The following VAV3 variants were observed in gnomAD, a reference collection of about 807,000 sequenced individuals.
VAV3 encodes the protein vav guanine nucleotide exchange factor 3.
Under a neutral mutation model 131.2 loss-of-function variants are expected in VAV3, and 94 were observed. That is an observed-to-expected ratio of 0.72 (90% confidence interval 0.61 to 0.85). The LOEUF is 0.85. Ranked by LOEUF, VAV3 falls within the 40% of genes least tolerant of loss-of-function variation. The pLI is 0.00. For missense variants in VAV3, 939 were observed against 1,002.7 expected (o/e 0.94, Z 0.86); for synonymous variants, 349 against 342.0 (o/e 1.02, Z -0.22).
At chr1:107,754,116 G>C (rs189302704) in intron 12 of VAV3, among the ~76,000 whole-genome samples, 1 of 152,124 alleles carries the variant, frequency 6.6e-6, no homozygotes, top group Non-Finnish European at 1.5e-5. Context: ...TAAAGTTTAC[G>C]GGCAGTTATT....
chr1:107,807,764 G>T (rs78088580), intron 2 of VAV3, among the ~76,000 whole-genome samples: 1 of 152,040 alleles, frequency 6.6e-6, no homozygotes, highest in African/African-American at 2.4e-5. Context: ...GAAATTCAAT[G>T]TAACTTATGG....
At chr1:107,768,625 T>C (rs549049903) in intron 6 of VAV3, 116 bp from the exon 7 acceptor site, 42 of 716,836 alleles carry the variant, frequency 5.9e-5, no homozygotes, top group Admixed American at 2.8e-4. Flanking sequence ...ATCAGCATTA[T>C]AAACACCAAA....
At chr1:107,605,477 C>T (rs543735929) in intron 22 of VAV3, among the ~76,000 whole-genome samples, 95 of 152,240 alleles carry the variant, frequency 6.2e-4, no homozygotes, top group African/African-American at 2.2e-3. Context: ...AGATGCAGCC[C>T]CTCGATTTTG....
chr1:107,700,054 G>A (rs561294561), intron 17 of VAV3, among the ~76,000 whole-genome samples: 1 of 152,204 alleles, frequency 6.6e-6, no homozygotes, highest in Non-Finnish European at 1.5e-5. Flanking sequence ...TAAATTATAA[G>A]TGCAAGTGAG....
chr1:107,633,776 C>A (rs114961254), intron 20 of VAV3, among the ~76,000 whole-genome samples: 1 of 152,014 alleles, frequency 6.6e-6, no homozygotes, highest in Non-Finnish European at 1.5e-5. Flanking sequence ...AAGTACCCTG[C>A]GATCACCATG....
intron 2 of VAV3, among the ~76,000 whole-genome samples, chr1:107,829,668 T>G (rs984407845): frequency 5.9e-5 from 9 of 152,334 alleles, no homozygotes; most frequent in South Asian, 4.1e-4. Context: ...CTTTATTTAC[T>G]TTAGCCTAAG....
intron 1 of VAV3, among the ~76,000 whole-genome samples, chr1:107,949,811 A>G (rs954768925): frequency 6.6e-6 from 1 of 152,172 alleles, no homozygotes; most frequent in Non-Finnish European, 1.5e-5. Context: ...AAGTTTACTA[A>G]CTTTCCTTAG....
intron 2 of VAV3, among the ~76,000 whole-genome samples, chr1:107,793,465 G>A: frequency 6.6e-6 from 1 of 152,218 alleles, no homozygotes; most frequent in East Asian, 1.9e-4. Context: ...GGTTCCATGA[G>A]AGGAGGGAGT....
intron 15 of VAV3, among the ~76,000 whole-genome samples, chr1:107,732,503 C>T (rs1662311368): frequency 6.6e-6 from 1 of 152,180 alleles, no homozygotes; most frequent in African/African-American, 2.4e-5. Flanking sequence ...CGGGACACTC[C>T]CGCCTTAATA....
intron 1 of VAV3, among the ~76,000 whole-genome samples, chr1:107,945,361 A>C (rs953451371): frequency 6.6e-6 from 1 of 152,288 alleles, no homozygotes; most frequent in African/African-American, 2.4e-5. Context: ...AAATATCTAA[A>C]ATTATTTCCC....
rs536266556 is a variant in VAV3, at chr1:107,661,017, T to TAC, written c.1778-18264_1778-18263dup. The stretch of plus-strand genomic sequence containing the variant: ...ATTTTTGTTTTTAAATATATCTATA[T>TAC]ACACACACACATAAAGAAGTACAGA... On this transcript the variant is annotated intron_variant, in intron 19 of 26. Coordinates refer to ENST00000370056, the MANE Select transcript of VAV3 (RefSeq NM_006113.5). 3.6e-4 allele frequency among the ~76,000 whole-genome samples: 54 copies of TAC among 152,090 alleles called. 1 individual carries two copies. The East Asian group carries it at 7.9e-3, about 22-fold the overall frequency.
intron 25 of VAV3, among the ~76,000 whole-genome samples, chr1:107,590,106 T>C (rs1341774306): frequency 6.6e-6 from 1 of 152,206 alleles, no homozygotes; most frequent in African/African-American, 2.4e-5. Context: ...GGCTCTGTTC[T>C]GGCTTCTACT....
At chr1:107,768,412 A>C (rs759189140) in intron 7 of VAV3, 29 bp downstream of exon 7, 3 of 1,574,988 alleles carry the variant, frequency 1.9e-6, no homozygotes, top group East Asian at 2.3e-5. Context: ...GAAGTACACC[A>C]CAATTTTAGC....
Position 107,696,379 on chromosome 1 carries a change from T to C in VAV3, c.1706-7973A>G, listed in dbSNP as rs972430405. ...TAATTATAGTCAGCCTATAGTGCTA[T>C]AGGACATTATAATTTATTCTTCCCA... On this transcript the variant is annotated intron_variant, in intron 17 of 26. Transcript: ENST00000370056. Among the ~76,000 whole-genome samples, 6 of 152,236 alleles carry C rather than the reference T, an allele frequency of 3.9e-5. 1 individual carries two copies. The South Asian group carries it at 1.2e-3, about 32-fold the overall frequency.
Position 107,894,688 on chromosome 1 carries a change from T to C in VAV3, c.205-19671A>G, listed in dbSNP as rs563793329. Among the ~76,000 whole-genome samples, 67 of 152,326 alleles carry C rather than the reference T, an allele frequency of 4.4e-4. 2 individuals are homozygous for C. Among genetic ancestry groups the C allele is most frequent in the Admixed American group, 4.4e-3 (67 of 15,292 alleles). ...TTTTAAAAACGGCAGATATAAATAT[T>C]ATAGGGTGTTACCTGCAAACTGTAG... On this transcript the variant is annotated intron_variant, in intron 1 of 26. Transcript: ENST00000370056.
chr1:107,907,282 A>G (rs1423815615), intron 1 of VAV3, among the ~76,000 whole-genome samples: 3 of 152,242 alleles, frequency 2.0e-5, no homozygotes, highest in Non-Finnish European at 4.4e-5. Flanking sequence ...GTTGGAAACT[A>G]TCTAAATTGT....
intron 1 of VAV3, among the ~76,000 whole-genome samples, chr1:107,944,643 C>T (rs536071605): frequency 6.6e-6 from 1 of 152,304 alleles, no homozygotes; most frequent in East Asian, 1.9e-4. Flanking sequence ...CTCACTCTGT[C>T]ACCCAGGCTG....
At chr1:107,741,663 A>T (rs1663031582) in intron 15 of VAV3, among the ~76,000 whole-genome samples, 1 of 152,152 alleles carries the variant, frequency 6.6e-6, no homozygotes, top group African/African-American at 2.4e-5. Context: ...CACACACAAA[A>T]ACCAAAAAAG....
At chr1:107,610,264 C>T (rs1377738927) in intron 21 of VAV3, among the ~76,000 whole-genome samples, 1 of 152,078 alleles carries the variant, frequency 6.6e-6, no homozygotes, top group African/African-American at 2.4e-5. Flanking sequence ...GCAATTTAAT[C>T]CTACCAAAGA....
Sources: allele counts gnomAD v4.1 joint callset (sites outside exome capture counted in the v4.1 genomes callset), GRCh38; gene constraint gnomAD v4.1.1; transcripts MANE v1.5; gene names NCBI Gene and HGNC (gene_info 2026-07-23, HGNC 2026-07-21).